Variants in CYP2C19 observed in about 807,000 individuals in gnomAD.
CYP2C19 encodes the protein cytochrome P450 2C19.
A neutral mutation model predicts 40.9 loss-of-function variants in CYP2C19; 59 were observed. That is an observed-to-expected ratio of 1.44 (90% CI 1.17 to 1.79). CYP2C19 has a LOEUF of 1.79. CYP2C19 is among the 40% of genes most tolerant of loss of function. CYP2C19 has a pLI of 0.00. For synonymous variants in CYP2C19, 253 were observed against 208.7 expected, an observed-to-expected ratio of 1.21 and a Z score of -1.83; for missense variants, 754 against 596.9, an observed-to-expected ratio of 1.26 and a Z score of -2.74.
chr10:94,780,731 T>C, intron 4 of CYP2C19, 72 bp downstream of exon 4: 2 of 1,539,226 alleles, frequency 1.3e-6, no homozygotes, highest in Non-Finnish European at 1.8e-6. Context: ...AAATTCTATA[T>C]TGACCAAGCC....
At chr10:94,796,179 G>A (rs1848683360) in intron 5 of CYP2C19, among the ~76,000 whole-genome samples, 1 of 152,110 alleles carries the variant, frequency 6.6e-6, no homozygotes, top group South Asian at 2.1e-4. Context: ...TTTTGTATAA[G>A]GTGTAAGGAA....
intron 7 of CYP2C19, among the ~76,000 whole-genome samples, chr10:94,843,334 T>A (rs78431362): frequency 0.048 from 7,251 of 152,334 alleles, 232 homozygotes; most frequent in South Asian, 0.11. Flanking sequence ...GGCTAGAATT[T>A]CTGTCAGGGT....
chr10:94,800,328 G>T (rs1347762828), intron 5 of CYP2C19, among the ~76,000 whole-genome samples: 1 of 152,238 alleles, frequency 6.6e-6, no homozygotes, highest in African/African-American at 2.4e-5. Flanking sequence ...GGTATAACCA[G>T]CGGAGGCTGC....
At chr10:94,834,095 G>A (rs762498584) in intron 6 of CYP2C19, among the ~76,000 whole-genome samples, 12 of 152,104 alleles carry the variant, frequency 7.9e-5, no homozygotes, top group Non-Finnish European at 1.8e-4. Flanking sequence ...TTTGTTAAAT[G>A]TTTGGTAAAA....
At chr10:94,811,236 G>T (rs1848918593) in intron 5 of CYP2C19, among the ~76,000 whole-genome samples, 1 of 152,188 alleles carries the variant, frequency 6.6e-6, no homozygotes, top group African/African-American at 2.4e-5. Context: ...TGGCACTGTG[G>T]TCTAATAGGT....
intron 3 of CYP2C19, among the ~76,000 whole-genome samples, chr10:94,776,916 C>A (rs561727771): frequency 1.8e-4 from 28 of 152,178 alleles, no homozygotes; most frequent in Admixed American, 1.0e-3. Context: ...TGTCTCATCC[C>A]CAAAACTGTT....
chr10:94,821,078 G>T (rs996644810), intron 6 of CYP2C19, among the ~76,000 whole-genome samples: 2 of 151,824 alleles, frequency 1.3e-5, no homozygotes, highest in African/African-American at 4.8e-5. Context: ...GTGGGACCCT[G>T]TCTCAGAAAA....
At chr10:94,796,351 G>A (rs1848687593) in intron 5 of CYP2C19, among the ~76,000 whole-genome samples, 1 of 151,936 alleles carries the variant, frequency 6.6e-6, no homozygotes, top group Admixed American at 6.6e-5. Flanking sequence ...TGTTCCATTG[G>A]TCTATATCCA....
At chr10:94,830,723 G>T (rs1022795854) in intron 6 of CYP2C19, among the ~76,000 whole-genome samples, 1 of 152,022 alleles carries the variant, frequency 6.6e-6, no homozygotes, top group African/African-American at 2.4e-5. Context: ...ATATACTAAC[G>T]TATATGTACA....
At chr10:94,840,309 T>G (rs533995128) in intron 6 of CYP2C19, among the ~76,000 whole-genome samples, 33 of 142,474 alleles carry the variant, frequency 2.3e-4, no homozygotes, top group Admixed American at 4.8e-4. Flanking sequence ...TGTCTCTCTC[T>G]CTCTTAGCCA....
At chr10:94,837,514 C>T (rs1353052051) in intron 6 of CYP2C19, among the ~76,000 whole-genome samples, 1 of 152,144 alleles carries the variant, frequency 6.6e-6, no homozygotes, top group Non-Finnish European at 1.5e-5. Flanking sequence ...TAGAATGTCT[C>T]TCCCTAACAG....
chr10:94,820,178 C>A (rs1056798169), intron 5 of CYP2C19, among the ~76,000 whole-genome samples: 1 of 151,918 alleles, frequency 6.6e-6, no homozygotes, highest in Non-Finnish European at 1.5e-5. Context: ...AAGCCCTTGA[C>A]AAAATTCAAC....
intron 1 of CYP2C19, among the ~76,000 whole-genome samples, chr10:94,764,667 G>A (rs1188679606): frequency 6.6e-6 from 1 of 152,094 alleles, no homozygotes; most frequent in Non-Finnish European, 1.5e-5. Context: ...CCAGTGAAAG[G>A]GCCAGTGGGT....
At chr10:94,768,625 G>A (rs1324061984) in intron 1 of CYP2C19, among the ~76,000 whole-genome samples, 1 of 152,136 alleles carries the variant, frequency 6.6e-6, no homozygotes, top group African/African-American at 2.4e-5. Context: ...CAGACAGTGA[G>A]ATCCTTTCCT....
At chr10:94,843,234 CT>C (rs1849522767) in intron 7 of CYP2C19, among the ~76,000 whole-genome samples, 1 of 152,086 alleles carries the variant, frequency 6.6e-6, no homozygotes, top group South Asian at 2.1e-4. Flanking sequence ...CAGATTTATT[CT>C]TTCTTCAAGA....
intron 5 of CYP2C19, among the ~76,000 whole-genome samples, chr10:94,789,112 T>C (rs1366279544): frequency 6.6e-6 from 1 of 151,608 alleles, no homozygotes; most frequent in Non-Finnish European, 1.5e-5. Flanking sequence ...ACGAGCTTTT[T>C]TTCATATGTT....
chr10:94,842,578 T>C (rs1342942174), intron 6 of CYP2C19, among the ~76,000 whole-genome samples: 2 of 152,118 alleles, frequency 1.3e-5, no homozygotes, highest in Non-Finnish European at 2.9e-5. Context: ...TTCTTTCATT[T>C]CTTCCTGCCT....
chr10:94,803,818 G>T (rs957167128), intron 5 of CYP2C19, among the ~76,000 whole-genome samples: 5 of 152,194 alleles, frequency 3.3e-5, no homozygotes, highest in Non-Finnish European at 5.9e-5. Flanking sequence ...CCTGCGGCCA[G>T]ATCTCTGTAC....
intron 6 of CYP2C19, among the ~76,000 whole-genome samples, chr10:94,830,263 A>G (rs1393747676): frequency 1.3e-5 from 2 of 152,238 alleles, no homozygotes; most frequent in East Asian, 3.9e-4. Flanking sequence ...CCTTGCTGCC[A>G]CCTTGCAGTT....
Sources: allele counts gnomAD v4.1 joint callset (sites outside exome capture counted in the v4.1 genomes callset), GRCh38; gene constraint gnomAD v4.1.1; transcripts MANE v1.5; gene names NCBI Gene and HGNC (gene_info 2026-07-23, HGNC 2026-07-21).